The following KIAA1549L variants were observed in gnomAD, a reference collection of about 807,000 sequenced individuals.
KIAA1549L encodes the protein UPF0606 protein KIAA1549L.
In KIAA1549L, 88 loss-of-function variants were observed where a neutral mutation model predicts 160.7. That is an observed-to-expected ratio of 0.55 (90% confidence interval 0.46 to 0.65). The LOEUF (loss-of-function observed/expected upper bound fraction) is 0.65, where lower values mean the gene tolerates loss of function less well. KIAA1549L is among the 30% of genes least tolerant of loss of function. The pLI is 0.00. For synonymous variants in KIAA1549L, 950 were observed against 976.7 expected, an observed-to-expected ratio of 0.97 and a Z score of 0.51; for missense variants, 2,258 against 2,437.5, an observed-to-expected ratio of 0.93 and a Z score of 1.55.
intron 16 of KIAA1549L, among the ~76,000 whole-genome samples, chr11:33,627,900 C>G (rs1851164380): frequency 6.6e-6 from 1 of 151,198 alleles, no homozygotes; most frequent in African/African-American, 2.4e-5. Flanking sequence ...TTGGATCTTT[C>G]CTGCTTTCTC....
intron 8 of KIAA1549L, among the ~76,000 whole-genome samples, chr11:33,564,124 C>T (rs1023515332): frequency 6.6e-6 from 1 of 152,268 alleles, no homozygotes; most frequent in Admixed American, 6.5e-5. Flanking sequence ...TTGGTTAGTG[C>T]TTGGGAAGGG....
intron 10 of KIAA1549L, among the ~76,000 whole-genome samples, chr11:33,582,689 C>A (rs1565196889): frequency 6.6e-6 from 1 of 152,150 alleles, no homozygotes; most frequent in South Asian, 2.1e-4. Flanking sequence ...TTCATCCCAG[C>A]CCCCTTGCCC....
chr11:33,380,738 G>A (rs1344263263), intron 1 of KIAA1549L, among the ~76,000 whole-genome samples: 2 of 152,014 alleles, frequency 1.3e-5, no homozygotes, highest in Non-Finnish European at 2.9e-5. Context: ...TGCATTGGGC[G>A]CATATGTATT....
intron 17 of KIAA1549L, 47 bp from the exon 18 acceptor site, chr11:33,655,965 A>T: frequency 7.4e-7 from 1 of 1,345,088 alleles, no homozygotes; most frequent in Non-Finnish European, 1.1e-6. Context: ...GTGCTGATCG[A>T]CCCTGGGTGT....
chr11:33,419,451 C>T (rs1850955368), intron 1 of KIAA1549L, among the ~76,000 whole-genome samples: 2 of 152,192 alleles, frequency 1.3e-5, no homozygotes. Context: ...TGTTTTCCCT[C>T]GTCTTTTCCT....
chr11:33,466,735 T>G (rs1484847905), intron 1 of KIAA1549L, among the ~76,000 whole-genome samples: 1 of 152,076 alleles, frequency 6.6e-6, no homozygotes. Flanking sequence ...CCATCAATAA[T>G]AGACTGGATA....
At chr11:33,549,111 T>A (rs1854366193) in intron 4 of KIAA1549L, among the ~76,000 whole-genome samples, 2 of 152,270 alleles carry the variant, frequency 1.3e-5, no homozygotes. Context: ...TTTTGGTCTT[T>A]GCTGCATATC....
chr11:33,577,786 A>C (rs1855502079), intron 10 of KIAA1549L, among the ~76,000 whole-genome samples: 1 of 151,946 alleles, frequency 6.6e-6, no homozygotes, highest in African/African-American at 2.4e-5. Flanking sequence ...TGTCCACACC[A>C]CTTCTTCTCT....
chr11:33,569,226 A>C (rs1212308968), intron 9 of KIAA1549L, among the ~76,000 whole-genome samples: 3 of 152,182 alleles, frequency 2.0e-5, no homozygotes, highest in African/African-American at 7.2e-5. Context: ...TTCCTGCAAG[A>C]ATGGGAGCCT....
At chr11:33,497,103 T>C (rs978164559) in intron 1 of KIAA1549L, among the ~76,000 whole-genome samples, 3 of 152,088 alleles carry the variant, frequency 2.0e-5, no homozygotes, top group Non-Finnish European at 4.4e-5. Context: ...CAATTTAAGG[T>C]AGCCTGGCAC....
intron 1 of KIAA1549L, among the ~76,000 whole-genome samples, chr11:33,461,057 T>A (rs528859227): frequency 3.3e-5 from 5 of 152,244 alleles, no homozygotes; most frequent in African/African-American, 1.2e-4. Context: ...GTAAAAAGCA[T>A]TAAAATTGAA....
chr11:33,478,773 TGTGGCCAGGCTGGAGCGCA>T (rs1159143774), intron 1 of KIAA1549L, among the ~76,000 whole-genome samples: 1 of 152,216 alleles, frequency 6.6e-6, no homozygotes, highest in East Asian at 1.9e-4. Flanking sequence ...AGTCTTGCTC[TGTGGCCAGGCTGGAGCGCA>T]GTGGCACGAT....
intron 1 of KIAA1549L, among the ~76,000 whole-genome samples, chr11:33,386,102 C>G (rs1224714183): frequency 2.0e-5 from 3 of 152,168 alleles, no homozygotes; most frequent in African/African-American, 7.2e-5. Flanking sequence ...CTGGCTAGAA[C>G]TTCTAGTACT....
At chr11:33,581,744 C>T (rs1475509501) in intron 10 of KIAA1549L, among the ~76,000 whole-genome samples, 1 of 152,138 alleles carries the variant, frequency 6.6e-6, no homozygotes. Context: ...CGCCAATGAA[C>T]ACAACATTGA....
chr11:33,479,902 A>C (rs1852373146), intron 1 of KIAA1549L, among the ~76,000 whole-genome samples: 1 of 152,170 alleles, frequency 6.6e-6, no homozygotes, highest in South Asian at 2.1e-4. Flanking sequence ...CCATTTAAAA[A>C]CTGTGGTATG....
intron 1 of KIAA1549L, among the ~76,000 whole-genome samples, chr11:33,392,361 T>G (rs1230659733): frequency 6.6e-6 from 1 of 152,244 alleles, no homozygotes; most frequent in Non-Finnish European, 1.5e-5. Flanking sequence ...ATCTTATTTT[T>G]GATGTATTCA....
At chr11:33,534,595 A>G (rs551832543) in intron 1 of KIAA1549L, among the ~76,000 whole-genome samples, 11 of 152,112 alleles carry the variant, frequency 7.2e-5, no homozygotes, top group African/African-American at 1.9e-4. Context: ...AAATGGAATT[A>G]AAAAATAAGA....
chr11:33,624,726 G>A (rs1406533262), intron 16 of KIAA1549L, among the ~76,000 whole-genome samples: 1 of 150,050 alleles, frequency 6.7e-6, no homozygotes, highest in East Asian at 2.0e-4. Flanking sequence ...CGATTTAAGA[G>A]ATTTTCTTTT....
chr11:33,607,796 A>G (rs762175840), intron 14 of KIAA1549L, among the ~76,000 whole-genome samples: 2 of 152,212 alleles, frequency 1.3e-5, no homozygotes, highest in African/African-American at 2.4e-5. Context: ...CATTTTACAA[A>G]CCCAACTCAG....
Sources: gnomAD v4.1 joint callset for allele counts (sites outside exome capture counted in the v4.1 genomes callset) on GRCh38, gnomAD v4.1.1 for gene constraint, MANE v1.5 for transcripts, NCBI Gene and HGNC (gene_info 2026-07-23, HGNC 2026-07-21) for gene names.